EYS: variants seen among roughly 807,000 people sequenced by gnomAD.
EYS encodes EGF-like photoreceptor maintenance factor.
EYS carries 250 observed loss-of-function variants against 282.1 expected under a neutral mutation model. The ratio of observed to expected loss-of-function variants is 0.89; its 90% CI spans 0.80 to 0.98. The LOEUF is 0.98. Ranked by LOEUF, EYS falls within the 50% of genes least tolerant of loss-of-function variation. The pLI, the probability that EYS is intolerant of heterozygous loss-of-function variation, is 0.00. For missense variants in EYS, 4,016 were observed against 3,709.0 expected (o/e 1.08, Z -2.15); for synonymous variants, 1,355 against 1,282.9 (o/e 1.06, Z -1.20).
At chr6:64,019,433 C>T (rs1289843797) in intron 33 of EYS, among the ~76,000 whole-genome samples, 6 of 140,402 alleles carry the variant, frequency 4.3e-5, no homozygotes, top group Middle Eastern at 3.8e-3. Flanking sequence ...TTTTTTTAAA[C>T]GGAGTCTCGC....
At chr6:65,280,366 T>A (rs1344304451) in intron 12 of EYS, among the ~76,000 whole-genome samples, 4 of 152,144 alleles carry the variant, frequency 2.6e-5, no homozygotes, top group South Asian at 2.1e-4. Context: ...ATCAGACATG[T>A]TGGGTGAATT....
intron 22 of EYS, among the ~76,000 whole-genome samples, chr6:64,633,986 CTTTG>C (rs888423821): frequency 3.3e-5 from 5 of 152,138 alleles, no homozygotes; most frequent in Middle Eastern, 3.4e-3. Context: ...GTGTTTGTTT[CTTTG>C]TTTGTTTGTT....
intron 13 of EYS, among the ~76,000 whole-genome samples, chr6:65,052,645 A>G (rs113589823): frequency 2.0e-5 from 3 of 151,808 alleles, no homozygotes; most frequent in African/African-American, 7.2e-5. Context: ...GTTCAGGTAT[A>G]TTATAATAAT....
intron 22 of EYS, among the ~76,000 whole-genome samples, chr6:64,629,790 G>T (rs1408975231): frequency 6.6e-6 from 1 of 151,982 alleles, no homozygotes; most frequent in African/African-American, 2.4e-5. Context: ...AATAGTAGAG[G>T]GTTTTCTATA....
intron 13 of EYS, among the ~76,000 whole-genome samples, chr6:65,002,743 G>A (rs1295670790): frequency 2.0e-5 from 3 of 147,810 alleles, no homozygotes; most frequent in Non-Finnish European, 3.0e-5. Context: ...GGGACCGGCT[G>A]AAGCCATGGC....
intron 35 of EYS, among the ~76,000 whole-genome samples, chr6:63,952,579 G>C (rs1420393290): frequency 6.6e-6 from 1 of 152,110 alleles, no homozygotes; most frequent in Non-Finnish European, 1.5e-5. Flanking sequence ...GTGCCAACTT[G>C]GACAACATTC....
Position 64,302,832 on chromosome 6 carries a change from G to A in EYS, c.6191+4138C>T, listed in dbSNP as rs567066379. Among the ~76,000 whole-genome samples the A allele has an allele frequency of 2.1e-4, 32 of 152,194 alleles. No homozygotes were observed. In the South Asian group the frequency reaches 6.0e-3, roughly 29 times the overall value. On this transcript the variant is annotated intron_variant, in intron 30 of 42. Transcript: ENST00000503581. ...AAGACATAAAACCTGCACTTTTATG[G>A]AAAGATGTAAACAATAATGAATGGT... is the stretch of plus-strand genomic sequence containing the variant.
chr6:64,982,879 T>C (rs1770724000), intron 14 of EYS, among the ~76,000 whole-genome samples: 1 of 151,200 alleles, frequency 6.6e-6, no homozygotes, highest in Non-Finnish European at 1.5e-5. Flanking sequence ...AATATTTTTG[T>C]ATATGATTTG....
intron 35 of EYS, among the ~76,000 whole-genome samples, chr6:63,871,445 G>A (rs1051480937): frequency 6.6e-6 from 1 of 152,118 alleles, no homozygotes; most frequent in Non-Finnish European, 1.5e-5. Flanking sequence ...CAGATCACTT[G>A]AGGTCAGGAG....
chr6:65,695,699 CAT>C (rs1769425680), intron 1 of EYS, among the ~76,000 whole-genome samples: 1 of 151,630 alleles, frequency 6.6e-6, no homozygotes, highest in Non-Finnish European at 1.5e-5. Context: ...TCTACAATAA[CAT>C]TTTATAAATA....
chr6:64,412,088 A>T (rs1162205430), intron 28 of EYS, among the ~76,000 whole-genome samples: 2 of 151,740 alleles, frequency 1.3e-5, no homozygotes, highest in African/African-American at 2.4e-5. Context: ...TTATGAAATA[A>T]ACTGAAAAAA....
At chr6:63,873,416 G>T (rs1286580260) in intron 35 of EYS, among the ~76,000 whole-genome samples, 1 of 152,086 alleles carries the variant, frequency 6.6e-6, no homozygotes, top group East Asian at 1.9e-4. Flanking sequence ...TGGACATTTG[G>T]GTTGGTTCCA....
rs549044689 is a variant in EYS at position 65,307,052 on chromosome 6, G to A, written c.1767-10933C>T. Among the ~76,000 whole-genome samples, 164 of 142,224 alleles carry A rather than the reference G, an allele frequency of 1.2e-3. 3 individuals carry two copies. Among genetic ancestry groups the A allele is most frequent in the African/African-American group, 3.9e-3 (153 of 38,840 alleles). The allele number at this position is 142,224 out of a possible 152,430, so 93.3% of individuals were successfully genotyped here. On this transcript the variant is annotated intron_variant, in intron 11 of 42. Coordinates refer to ENST00000503581, the MANE Select transcript of EYS (RefSeq NM_001142800.2). Reference sequence around the variant, plus strand: ...AGCACGCCTCTTCAGGAGGCTCGAGGAAATATTCAGGGTGGTCCGCAATGC... The same window carrying A: ...AGCACGCCTCTTCAGGAGGCTCGAGAAAATATTCAGGGTGGTCCGCAATGC...
At chr6:64,941,739 C>T (rs1769097011) in intron 15 of EYS, among the ~76,000 whole-genome samples, 1 of 152,052 alleles carries the variant, frequency 6.6e-6, no homozygotes, top group Non-Finnish European at 1.5e-5. Flanking sequence ...TATTAATTCA[C>T]CTAGAATAAT....
intron 35 of EYS, among the ~76,000 whole-genome samples, chr6:63,880,505 A>ATCTATCTG (rs1360014081): frequency 6.6e-6 from 1 of 151,880 alleles, no homozygotes; most frequent in East Asian, 1.9e-4. Flanking sequence ...CTATCTATCT[A>ATCTATCTG]TCTATCTATC....
intron 6 of EYS, among the ~76,000 whole-genome samples, chr6:65,404,287 A>G (rs1766632274): frequency 6.6e-6 from 1 of 152,124 alleles, no homozygotes; most frequent in Admixed American, 6.6e-5. Context: ...AAATAATCCA[A>G]GATAACATCA....
At chr6:64,275,172 C>T (rs1768068495) in intron 30 of EYS, among the ~76,000 whole-genome samples, 1 of 152,122 alleles carries the variant, frequency 6.6e-6, no homozygotes, top group Admixed American at 6.5e-5. Context: ...AAACAGGAAG[C>T]GTCCTCTTTT....
At chr6:65,055,866 G>A (rs544333527) in intron 13 of EYS, among the ~76,000 whole-genome samples, 20 of 151,970 alleles carry the variant, frequency 1.3e-4, no homozygotes, top group Non-Finnish European at 2.5e-4. Context: ...AGCTCAGGTA[G>A]CAATTGTCAG....
chr6:64,281,328 G>A (rs1768301497), intron 30 of EYS, among the ~76,000 whole-genome samples: 1 of 152,010 alleles, frequency 6.6e-6, no homozygotes, highest in Admixed American at 6.6e-5. Context: ...TGAGAAATGA[G>A]TAGTGCTAAG....
Sources: allele counts gnomAD v4.1 joint callset (sites outside exome capture counted in the v4.1 genomes callset), GRCh38; gene constraint gnomAD v4.1.1; transcripts MANE v1.5; gene names NCBI Gene and HGNC (gene_info 2026-07-23, HGNC 2026-07-21).